CTNNA2: variants seen among roughly 807,000 people sequenced by gnomAD.
CTNNA2 encodes the protein catenin alpha 2, also known as catenin alpha-2.
A neutral mutation model predicts 101.0 loss-of-function variants in CTNNA2; 42 were observed. That is an observed-to-expected ratio of 0.42 (90% CI 0.32 to 0.54). The LOEUF (loss-of-function observed/expected upper bound fraction) is 0.54, where lower values mean the gene tolerates loss of function less well. CTNNA2 is among the 20% of genes least tolerant of loss of function. CTNNA2 has a pLI of 0.14. For synonymous variants in CTNNA2, 450 were observed against 456.4 expected (o/e 0.99, Z 0.18); for missense variants, 871 against 1,223.1 (o/e 0.71, Z 4.29).
At chr2:80,387,597 A>T (rs374504497) in intron 7 of CTNNA2, among the ~76,000 whole-genome samples, 1 of 152,188 alleles carries the variant, frequency 6.6e-6, no homozygotes, top group African/African-American at 2.4e-5. Context: ...AATTGTAAAA[A>T]GAGAAATTTC....
intron 7 of CTNNA2, among the ~76,000 whole-genome samples, chr2:80,086,883 A>T (rs1287663267): frequency 1.3e-5 from 2 of 152,070 alleles, no homozygotes; most frequent in Non-Finnish European, 2.9e-5. Flanking sequence ...CAACATAAAC[A>T]TACCACTGGG....
rs376547768 is a variant in CTNNA2 at position 80,298,575 on chromosome 2, T to C, written c.1057-94636T>C. 8.5e-5 allele frequency: 13 copies of C among 152,296 alleles called. 1 individual carries two copies. The East Asian group carries it at 1.9e-3, about 23-fold the overall frequency. 9.4% of individuals were successfully genotyped at this position (152,296 alleles called of 1,614,324 possible). A position where few individuals can be genotyped will look rare whatever the true frequency, so the allele number is the denominator to read the frequency against. On this transcript the variant is annotated intron_variant, in intron 7 of 18. Transcript: ENST00000402739. ...CTACCAGAGATCTGTGTGTACTTGCTTGGAAAACTTGGGAGGAATAACAAG... is the reference window on the plus strand; with the variant it reads ...CTACCAGAGATCTGTGTGTACTTGCCTGGAAAACTTGGGAGGAATAACAAG...
intron 15 of CTNNA2, among the ~76,000 whole-genome samples, chr2:80,602,912 G>A (rs1010481515): frequency 5.9e-5 from 9 of 152,026 alleles, no homozygotes; most frequent in African/African-American, 2.2e-4. Flanking sequence ...ATCCAAGAAG[G>A]TGAGTTAGTA....
At chr2:79,415,638 A>T (rs959809504) in intron 4 of CTNNA2, among the ~76,000 whole-genome samples, 3 of 152,120 alleles carry the variant, frequency 2.0e-5, no homozygotes, top group African/African-American at 7.2e-5. Context: ...ATGTGGGAAA[A>T]TGGGCAATAG....
chr2:80,557,440 C>A lies in CTNNA2; in HGVS notation c.1741+1547C>A, dbSNP rs186038395. ...CATTTCTGTGGCTTACAGTTCCCAG[C>A]CCATCAGCTCTATTCTTGTACAAAG... On this transcript the variant is annotated intron_variant, in intron 12 of 18. Transcript: ENST00000402739. 3.4e-3 allele frequency among the ~76,000 whole-genome samples: 511 copies of A among 152,242 alleles called. 2 individuals carry two copies. Among genetic ancestry groups the A allele is most frequent in the African/African-American group, 0.012 (493 of 41,540 alleles).
chr2:80,642,294 C>A (rs1453042308), intron 18 of CTNNA2, among the ~76,000 whole-genome samples: 1 of 152,140 alleles, frequency 6.6e-6, no homozygotes, highest in Non-Finnish European at 1.5e-5. Flanking sequence ...CCCTACTTGA[C>A]TCAAGGTAAA....
At chr2:80,200,684 T>C (rs1707144035) in intron 7 of CTNNA2, among the ~76,000 whole-genome samples, 1 of 151,958 alleles carries the variant, frequency 6.6e-6, no homozygotes, top group Admixed American at 6.6e-5. Context: ...TACAGGCACC[T>C]GCCACCACGC....
chr2:80,641,451 C>T (rs1189136299), intron 18 of CTNNA2, among the ~76,000 whole-genome samples: 1 of 152,150 alleles, frequency 6.6e-6, no homozygotes, highest in African/African-American at 2.4e-5. Flanking sequence ...ATTCAGAACA[C>T]ACAGTCAAAT....
chr2:79,744,350 T>G, intron 2 of CTNNA2, 37 bp from the exon 3 acceptor site: 1 of 1,552,444 alleles, frequency 6.4e-7, no homozygotes, highest in Non-Finnish European at 8.7e-7. Flanking sequence ...TAGACAGTTT[T>G]GCAAAGAAGT....
At chr2:79,343,625 G>T (rs774462439) in intron 3 of CTNNA2, among the ~76,000 whole-genome samples, 8 of 152,144 alleles carry the variant, frequency 5.3e-5, no homozygotes, top group Non-Finnish European at 1.0e-4. Flanking sequence ...ACATGACCCA[G>T]TCTAGGATAA....
intron 2 of CTNNA2, among the ~76,000 whole-genome samples, 179 bp downstream of exon 2, chr2:79,651,837 G>A (rs1245655083): frequency 6.6e-6 from 1 of 152,126 alleles, no homozygotes; most frequent in East Asian, 1.9e-4. Context: ...ATTTGAAGTG[G>A]CTTTTAAAAA....
intron 2 of CTNNA2, among the ~76,000 whole-genome samples, chr2:79,234,165 A>G (rs1674529265): frequency 6.6e-6 from 1 of 150,740 alleles, no homozygotes; most frequent in Non-Finnish European, 1.5e-5. Flanking sequence ...AGTATTTTTG[A>G]GGTAGGTTTT....
At chr2:79,619,072 G>A (rs1678828302) in intron 1 of CTNNA2, among the ~76,000 whole-genome samples, 1 of 152,192 alleles carries the variant, frequency 6.6e-6, no homozygotes, top group Non-Finnish European at 1.5e-5. Flanking sequence ...TGGGCGTGGT[G>A]GCGGGCGCCT....
chr2:80,286,853 T>C lies in CTNNA2; in HGVS notation c.1057-106358T>C, dbSNP rs148975697. 2.2e-3 allele frequency among the ~76,000 whole-genome samples: 337 copies of C among 152,338 alleles called. 1 individual carries two copies. Among genetic ancestry groups the C allele is most frequent in the African/African-American group, 7.7e-3 (321 of 41,584 alleles). ...ATGTATGTGGATGTTGTACCCATTGTATTGGTATGTAAACCCTTTGAGAGG... is the reference window on the plus strand; with the variant it reads ...ATGTATGTGGATGTTGTACCCATTGCATTGGTATGTAAACCCTTTGAGAGG... On this transcript the variant is annotated intron_variant, in intron 7 of 18. Coordinates refer to ENST00000402739, the MANE Select transcript of CTNNA2 (RefSeq NM_001282597.3).
chr2:80,144,847 T>G lies in CTNNA2; in HGVS notation c.1056+235050T>G, dbSNP rs115687932. 9.3e-3 allele frequency among the ~76,000 whole-genome samples: 1,420 copies of G among 152,290 alleles called. 31 individuals are homozygous for G. The highest frequency in any genetic ancestry group is 0.031 in the African/African-American group (1,282 of 41,558). ...TCTATGGCAGAGTTTGTTACTCTCA[T>G]CACAACTGACGTTTGGGGCTGAGTA... On this transcript the variant is annotated intron_variant, in intron 7 of 18. Coordinates refer to ENST00000402739, the MANE Select transcript of CTNNA2 (RefSeq NM_001282597.3).
chr2:79,188,697 G>A (rs1365857613), intron 1 of CTNNA2, among the ~76,000 whole-genome samples: 1 of 152,196 alleles, frequency 6.6e-6, no homozygotes, highest in Admixed American at 6.5e-5. Context: ...AAGGAAGATG[G>A]AGGATATTTT....
At chr2:79,945,341 G>T (rs149094893) in intron 7 of CTNNA2, among the ~76,000 whole-genome samples, 2 of 151,954 alleles carry the variant, frequency 1.3e-5, no homozygotes, top group East Asian at 1.9e-4. Flanking sequence ...GTGCTTTGCC[G>T]TTATTTGTTT....
intron 8 of CTNNA2, among the ~76,000 whole-genome samples, chr2:80,399,823 C>A (rs1045768518): frequency 6.6e-6 from 1 of 152,212 alleles, no homozygotes; most frequent in Non-Finnish European, 1.5e-5. Context: ...AATGCCATCA[C>A]ATTTTTCAGC....
At chr2:80,639,002 GGTTCTCTGGCATTA>G (rs2149848745) in intron 18 of CTNNA2, among the ~76,000 whole-genome samples, 1 of 152,156 alleles carries the variant, frequency 6.6e-6, no homozygotes, top group East Asian at 1.9e-4. Flanking sequence ...AGCACTGGCT[GGTTCTCTGGCATTA>G]CTTAAGGAAG....
Sources: allele counts gnomAD v4.1 joint callset (sites outside exome capture counted in the v4.1 genomes callset), GRCh38; gene constraint gnomAD v4.1.1; transcripts MANE v1.5; gene names NCBI Gene and HGNC (gene_info 2026-07-23, HGNC 2026-07-21).